The following ZNF148 variants were observed in gnomAD, a reference collection of about 807,000 sequenced individuals.
The protein encoded by ZNF148 is zinc finger protein 148.
In ZNF148, 7 loss-of-function variants were observed where a neutral mutation model predicts 67.7. The observed-to-expected ratio is 0.10, with a 90% confidence interval of 0.06 to 0.19. The LOEUF (loss-of-function observed/expected upper bound fraction) is 0.19, where lower values mean the gene tolerates loss of function less well. Ranked by LOEUF, ZNF148 falls within the 10% of genes least tolerant of loss-of-function variation. The pLI, the probability that ZNF148 is intolerant of heterozygous loss-of-function variation, is 1.00. For synonymous variants in ZNF148, 333 were observed against 330.7 expected (o/e 1.01, Z -0.08); for missense variants, 583 against 947.1 (o/e 0.62, Z 5.05).
chr3:125,269,876 T>C (rs989102528), intron 7 of ZNF148, among the ~76,000 whole-genome samples: 4 of 152,126 alleles, frequency 2.6e-5, no homozygotes, highest in Non-Finnish European at 4.4e-5. Context: ...ATAACACATG[T>C]TCCCACTTAT....
In ZNF148 at chr3:125,230,973, ATTATT is replaced by A. The variant is rs950106208; in HGVS notation, c.*1363_*1367del. 6.6e-6 allele frequency: 1 copy of A among 152,466 alleles called. No homozygotes were observed. The highest frequency in any genetic ancestry group is 2.4e-5 in the African/African-American group (1 of 41,434). 9.4% of individuals were successfully genotyped at this position (152,466 alleles called of 1,614,324 possible). A position where few individuals can be genotyped will look rare whatever the true frequency, so the allele number is the denominator to read the frequency against. ...AGCACTATTTATTGTACCATGCTGT[ATTATT>A]TTAAGACAGAGTATTAAAAAAAAAC... On this transcript the variant is annotated 3_prime_UTR_variant, in exon 9 of 9. Coordinates refer to ENST00000360647, the MANE Select transcript of ZNF148 (RefSeq NM_021964.3).
chr3:125,308,971 T>C (rs774125358), intron 4 of ZNF148, among the ~76,000 whole-genome samples: 1 of 152,110 alleles, frequency 6.6e-6, no homozygotes, highest in Non-Finnish European at 1.5e-5. Context: ...TCCCAAAACA[T>C]GTTGTGCAAA....
At chr3:125,297,887 C>T (rs910977222) in intron 4 of ZNF148, among the ~76,000 whole-genome samples, 1 of 152,130 alleles carries the variant, frequency 6.6e-6, no homozygotes, top group Non-Finnish European at 1.5e-5. Flanking sequence ...GAAATGAGTA[C>T]ATACACACAC....
chr3:125,361,352 C>T (rs1009254483), intron 1 of ZNF148, among the ~76,000 whole-genome samples: 2 of 152,088 alleles, frequency 1.3e-5, no homozygotes, highest in African/African-American at 4.8e-5. Context: ...ATCTACCAAC[C>T]TCCAGAACAC....
At chr3:125,316,349 G>A (rs1353161746) in intron 3 of ZNF148, among the ~76,000 whole-genome samples, 1 of 152,104 alleles carries the variant, frequency 6.6e-6, no homozygotes, top group Non-Finnish European at 1.5e-5. Flanking sequence ...TCCTTTTTAG[G>A]GGAAATATAC....
chr3:125,279,298 TAATTA>T, intron 5 of ZNF148, 51 bp from the exon 6 acceptor site: 1 of 1,383,336 alleles, frequency 7.2e-7, no homozygotes, highest in Non-Finnish European at 9.7e-7. Context: ...TTTTAAAATG[TAATTA>T]AATAGTAATT....
chr3:125,349,313 T>C (rs1357336385), intron 1 of ZNF148, among the ~76,000 whole-genome samples: 1 of 152,104 alleles, frequency 6.6e-6, no homozygotes, highest in Non-Finnish European at 1.5e-5. Context: ...GGAAAAAATA[T>C]TTGCAACTAC....
At chr3:125,280,714 T>G (rs1579694230) in intron 5 of ZNF148, among the ~76,000 whole-genome samples, 2 of 125,232 alleles carry the variant, frequency 1.6e-5, no homozygotes. Flanking sequence ...ATCAGACATG[T>G]GGAAGAGTGA....
intron 1 of ZNF148, among the ~76,000 whole-genome samples, chr3:125,346,670 T>A (rs1458582384): frequency 6.6e-6 from 1 of 152,216 alleles, no homozygotes; most frequent in African/African-American, 2.4e-5. Context: ...GCATTTCCAC[T>A]ACTTGCATTT....
intron 1 of ZNF148, among the ~76,000 whole-genome samples, chr3:125,350,326 A>T (rs1226616524): frequency 6.6e-6 from 1 of 151,840 alleles, no homozygotes; most frequent in Non-Finnish European, 1.5e-5. Context: ...AGGCCCATCT[A>T]ATTTTTTTTT....
intron 7 of ZNF148, among the ~76,000 whole-genome samples, chr3:125,250,486 T>G (rs1579617913): frequency 6.6e-6 from 1 of 152,312 alleles, no homozygotes; most frequent in East Asian, 1.9e-4. Flanking sequence ...GACCTCTGAT[T>G]ACATGTACAT....
intron 7 of ZNF148, among the ~76,000 whole-genome samples, chr3:125,234,581 C>G (rs113533923): frequency 2.8e-4 from 43 of 152,254 alleles, no homozygotes; most frequent in Admixed American, 2.0e-3. Context: ...CCAAGGAGAA[C>G]AGCAGTGCCA....
rs1401234650 is a variant in ZNF148, at chr3:125,233,729, A to C, written c.997T>G (p.Leu333Val). ...KSSGMDKESA[L>V]DKSDLKKDKN... ...TCTTTTTTCAGGTCAGATTTGTCCA[A>C]AGCACTCTCTTTGTCCATTCCAGAT... The change falls in exon 9 of 9, where the codon TTG becomes GTG. Residue 333 changes from leucine to valine, a missense_variant. Leu to Val is a conservative substitution (Grantham distance 32, BLOSUM62 1). Transcript: ENST00000360647. This position sits in a 1 kb window ranked among gnomAD's most constrained non-coding sequence, Gnocchi z 5.1. 1.9e-6 allele frequency: 3 copies of C among 1,613,692 alleles called. No individual in the cohort carries two copies. The African/African-American group carries it at 4.0e-5, about 22-fold the overall frequency.
At chr3:125,343,168 A>G in intron 1 of ZNF148, among the ~76,000 whole-genome samples, 1 of 152,206 alleles carries the variant, frequency 6.6e-6, no homozygotes, top group Admixed American at 6.5e-5. Context: ...TTTAAACACG[A>G]TGGAAAAGTA....
At chr3:125,241,317 CTT>C (rs1223168147) in intron 7 of ZNF148, among the ~76,000 whole-genome samples, 40 of 136,216 alleles carry the variant, frequency 2.9e-4, no homozygotes, top group Admixed American at 4.4e-4. Context: ...TTCTTTCTTT[CTT>C]TTTTTTTTTT....
intron 4 of ZNF148, among the ~76,000 whole-genome samples, chr3:125,299,593 A>C (rs1014867024): frequency 4.6e-5 from 7 of 152,236 alleles, no homozygotes; most frequent in African/African-American, 9.6e-5. Context: ...AAAGGATATA[A>C]ACTGGGTCAA....
At chr3:125,260,152 G>A (rs931580672) in intron 7 of ZNF148, among the ~76,000 whole-genome samples, 11 of 152,186 alleles carry the variant, frequency 7.2e-5, no homozygotes, top group Admixed American at 3.9e-4. Context: ...AAAGATCACC[G>A]ATCACAAATC....
chr3:125,331,803 A>G (rs1042511179), intron 1 of ZNF148, among the ~76,000 whole-genome samples: 2 of 152,228 alleles, frequency 1.3e-5, no homozygotes, highest in Admixed American at 6.5e-5. Flanking sequence ...ACCTTTTAGC[A>G]GAGACTAACA....
intron 7 of ZNF148, among the ~76,000 whole-genome samples, chr3:125,236,168 G>A (rs1017421160): frequency 2.0e-5 from 3 of 150,860 alleles, no homozygotes; most frequent in Admixed American, 2.0e-4. Flanking sequence ...TATTTCTTTA[G>A]GTCAGAATCC....
Sources: allele counts gnomAD v4.1 joint callset (sites outside exome capture counted in the v4.1 genomes callset), GRCh38; gene constraint gnomAD v4.1.1; non-coding constraint Gnocchi (gnomAD v3.1); transcripts MANE v1.5; gene names NCBI Gene and HGNC (gene_info 2026-07-23, HGNC 2026-07-21).